The following ZDHHC14 variants were observed in gnomAD, a reference collection of about 807,000 sequenced individuals.
ZDHHC14 encodes palmitoyltransferase ZDHHC14.
In ZDHHC14, 16 loss-of-function variants were observed where a neutral mutation model predicts 47.7. That is an observed-to-expected ratio of 0.34 (90% CI 0.23 to 0.51). The LOEUF is 0.51. Among genes scored for constraint, ZDHHC14 ranks in the 20% least tolerant of loss-of-function variants. The pLI, the probability that ZDHHC14 is intolerant of heterozygous loss-of-function variation, is 0.97. For synonymous variants in ZDHHC14, 293 were observed against 278.9 expected (o/e 1.05, Z -0.50); for missense variants, 515 against 662.5 (o/e 0.78, Z 2.44).
chr6:157,651,639 G>T (rs557753362), intron 7 of ZDHHC14, among the ~76,000 whole-genome samples: 2 of 151,986 alleles, frequency 1.3e-5, no homozygotes, highest in Non-Finnish European at 2.9e-5. Flanking sequence ...CATGATCTTG[G>T]CTCACTGCAA....
chr6:157,670,831 A>G (rs1724534693), intron 8 of ZDHHC14, among the ~76,000 whole-genome samples: 5 of 152,200 alleles, frequency 3.3e-5, no homozygotes, highest in Admixed American at 3.3e-4. Context: ...TTGAGCATCT[A>G]AAGCCTGCAG....
chr6:157,658,640 A>G (rs1218883789), intron 8 of ZDHHC14, among the ~76,000 whole-genome samples: 1 of 152,066 alleles, frequency 6.6e-6, no homozygotes, highest in African/African-American at 2.4e-5. Flanking sequence ...TTTGTCTCCT[A>G]TTTCTTGAAT....
chr6:157,593,935 G>A (rs1001889201), intron 3 of ZDHHC14, among the ~76,000 whole-genome samples: 4 of 152,236 alleles, frequency 2.6e-5, no homozygotes, highest in African/African-American at 9.6e-5. Context: ...GAAGCAAGGA[G>A]AGGACAAAAG....
chr6:157,673,047 C>A lies in ZDHHC14; in HGVS notation c.1392C>A (p.His464Gln). The A allele has an allele frequency of 6.4e-7, 1 of 1,566,648 alleles. No individual in the cohort carries two copies. Among genetic ancestry groups the A allele is most frequent in the Non-Finnish European group, 8.6e-7 (1 of 1,163,464 alleles). ...CCCTGGCGCACAGCCGCACCATGCA[C>A]GTGCTGGGCCTGGCCAGCCAGGACT... ...GSPLAHSRTM[H>Q]VLGLASQDSL... The change falls in exon 9 of 9, where the codon CAC becomes CAA. Residue 464 changes from histidine (H) to glutamine (Q), a missense_variant. Physicochemically the swap from His to Gln is conservative, Grantham distance 24 (BLOSUM62 0). This residue lies in a region of ZDHHC14 where 221 missense variants were observed against 233.6 expected (regional missense o/e 0.95). Transcript: ENST00000359775. This position sits in a 1 kb window ranked among gnomAD's most constrained non-coding sequence, Gnocchi z 5.4.
intron 1 of ZDHHC14, among the ~76,000 whole-genome samples, chr6:157,396,240 G>A (rs1241659636): frequency 2.0e-5 from 3 of 152,064 alleles, no homozygotes; most frequent in African/African-American, 7.2e-5. Context: ...AGCCTATGGT[G>A]GCCTCATGGT....
chr6:157,478,127 A>T (rs889056504), intron 1 of ZDHHC14, among the ~76,000 whole-genome samples: 1 of 152,220 alleles, frequency 6.6e-6, no homozygotes, highest in African/African-American at 2.4e-5. Context: ...GAAGTTTCTA[A>T]TTTAAGACCA....
intron 7 of ZDHHC14, among the ~76,000 whole-genome samples, chr6:157,648,330 G>A (rs1777658975): frequency 6.6e-6 from 1 of 152,186 alleles, no homozygotes; most frequent in African/African-American, 2.4e-5. Context: ...ACTGTGTCCA[G>A]GGCAGACCCA....
intron 3 of ZDHHC14, 120 bp from the exon 4 acceptor site, chr6:157,628,229 G>A (rs1479448239): frequency 7.9e-6 from 8 of 1,007,694 alleles, no homozygotes; most frequent in Non-Finnish European, 1.1e-5. Context: ...GAAATATGCA[G>A]AATAATATCA....
intron 1 of ZDHHC14, among the ~76,000 whole-genome samples, chr6:157,387,502 T>C (rs1274992305): frequency 1.3e-5 from 2 of 152,190 alleles, no homozygotes; most frequent in Non-Finnish European, 2.9e-5. Context: ...TCGGTTTTTT[T>C]CTAAGTGCTG....
chr6:157,665,392 T>C (rs938990262), intron 8 of ZDHHC14, among the ~76,000 whole-genome samples: 1 of 152,110 alleles, frequency 6.6e-6, no homozygotes, highest in Non-Finnish European at 1.5e-5. Context: ...GTTTCCAGTG[T>C]TTACTTTGAA....
At position 157,610,299 on chromosome 6, in the gene ZDHHC14, G is replaced by C. The variant is rs546149314; in HGVS notation, c.565+17153G>C. Among the ~76,000 whole-genome samples, 3 of 152,266 alleles carry C rather than the reference G, an allele frequency of 2.0e-5. No individual in the cohort carries two copies. The South Asian group carries it at 6.2e-4, about 32-fold the overall frequency. ...TACAAAAAATTAGTCAGGCGCGGTGGCAGGTGCCTGTGGTCCCAGCTACTC... is the reference window on the plus strand; with the variant it reads ...TACAAAAAATTAGTCAGGCGCGGTGCCAGGTGCCTGTGGTCCCAGCTACTC... On this transcript the variant is annotated intron_variant, in intron 3 of 8. Coordinates refer to ENST00000359775, the MANE Select transcript of ZDHHC14 (RefSeq NM_024630.3).
chr6:157,479,450 C>G (rs1345424141), intron 1 of ZDHHC14, among the ~76,000 whole-genome samples: 1 of 152,190 alleles, frequency 6.6e-6, no homozygotes, highest in Non-Finnish European at 1.5e-5. Flanking sequence ...GGTCCTTCTT[C>G]TCAGGCAGCC....
intron 1 of ZDHHC14, among the ~76,000 whole-genome samples, chr6:157,520,642 T>C (rs1384579687): frequency 1.3e-5 from 2 of 152,254 alleles, no homozygotes; most frequent in African/African-American, 4.8e-5. Flanking sequence ...TAGCACCTGC[T>C]TCTTAATGAA....
chr6:157,588,697 C>T (rs772284284), intron 2 of ZDHHC14, among the ~76,000 whole-genome samples: 2 of 152,160 alleles, frequency 1.3e-5, no homozygotes, highest in Admixed American at 6.5e-5. Context: ...GACTAAGCTG[C>T]GTTCTCTAAG....
intron 2 of ZDHHC14, among the ~76,000 whole-genome samples, chr6:157,592,148 T>C (rs548023948): frequency 6.6e-6 from 1 of 152,124 alleles, no homozygotes; most frequent in African/African-American, 2.4e-5. Flanking sequence ...TCTGATTTAA[T>C]AAATCTGGAA....
At chr6:157,458,263 G>A (rs927555499) in intron 1 of ZDHHC14, among the ~76,000 whole-genome samples, 3 of 152,042 alleles carry the variant, frequency 2.0e-5, no homozygotes, top group Admixed American at 6.6e-5. Flanking sequence ...TTTTTCATTC[G>A]GTGTAGCATT....
At chr6:157,444,481 C>G (rs990244070) in intron 1 of ZDHHC14, among the ~76,000 whole-genome samples, 1 of 152,098 alleles carries the variant, frequency 6.6e-6, no homozygotes, top group Admixed American at 6.5e-5. Flanking sequence ...AGTTTGAGAC[C>G]AGCCTGACGA....
chr6:157,489,772 G>T (rs771539257), intron 1 of ZDHHC14, among the ~76,000 whole-genome samples: 1 of 152,156 alleles, frequency 6.6e-6, no homozygotes, highest in Non-Finnish European at 1.5e-5. Flanking sequence ...GCTACTGCAG[G>T]GTTTGTGTTT....
intron 1 of ZDHHC14, among the ~76,000 whole-genome samples, chr6:157,466,511 C>A (rs1779220431): frequency 6.6e-6 from 1 of 152,158 alleles, no homozygotes; most frequent in East Asian, 1.9e-4. Context: ...TTGTAAAAAC[C>A]AAAATAAGAC....
Sources: allele counts gnomAD v4.1 joint callset (sites outside exome capture counted in the v4.1 genomes callset), GRCh38; gene constraint gnomAD v4.1.1; regional missense constraint gnomAD v4.1.1; non-coding constraint Gnocchi (gnomAD v3.1); transcripts MANE v1.5; gene names NCBI Gene and HGNC (gene_info 2026-07-23, HGNC 2026-07-21).